CYFIP1: variants seen among roughly 807,000 people sequenced by gnomAD.
CYFIP1 encodes cytoplasmic FMR1 interacting protein 1, also known as cytoplasmic FMR1-interacting protein 1.
Under a neutral mutation model 163.5 loss-of-function variants are expected in CYFIP1, and 58 were observed. The observed-to-expected ratio is 0.35, with a 90% CI of 0.29 to 0.44. The LOEUF is 0.44. Among genes scored for constraint, CYFIP1 ranks in the 20% least tolerant of loss-of-function variants. The probability of loss-of-function intolerance (pLI) is 1.00; values close to 1 mark genes in which losing one functional copy is unlikely to be tolerated. For synonymous variants in CYFIP1, 663 were observed against 660.7 expected, an observed-to-expected ratio of 1.00 and a Z score of -0.05; for missense variants, 1,338 against 1,653.8, an observed-to-expected ratio of 0.81 and a Z score of 3.31.
chr15:22,949,216 G>A (rs1217721713), intron 1 of CYFIP1, among the ~76,000 whole-genome samples: 2 of 152,180 alleles, frequency 1.3e-5, no homozygotes, highest in South Asian at 2.1e-4. Flanking sequence ...TGGGAGGGCC[G>A]CGGATTCCCC....
At chr15:22,936,740 C>T (rs1033577343) in intron 9 of CYFIP1, among the ~76,000 whole-genome samples, 5 of 152,162 alleles carry the variant, frequency 3.3e-5, no homozygotes, top group African/African-American at 4.8e-5. Flanking sequence ...AACATTGGAA[C>T]GGATAAGTTA....
chr15:22,937,893 C>T (rs1014439023), intron 8 of CYFIP1, among the ~76,000 whole-genome samples: 2 of 152,168 alleles, frequency 1.3e-5, no homozygotes, highest in African/African-American at 4.8e-5. Context: ...CATGAGCCAC[C>T]GTGCCCAGTC....
At chr15:22,903,452 C>T (rs62008562) in intron 22 of CYFIP1, among the ~76,000 whole-genome samples, 3 of 152,226 alleles carry the variant, frequency 2.0e-5, no homozygotes, top group Non-Finnish European at 4.4e-5. Flanking sequence ...CTTCCACCAT[C>T]AGGCAAACAG....
chr15:22,897,657 T>C (rs949599995), intron 22 of CYFIP1, among the ~76,000 whole-genome samples: 2 of 152,086 alleles, frequency 1.3e-5, no homozygotes, highest in African/African-American at 2.4e-5. Flanking sequence ...CTAATTTTTG[T>C]ATTTTTAGTA....
At chr15:22,927,880 G>A (rs767599241) in intron 12 of CYFIP1, 26 bp downstream of exon 12, 7 of 1,582,850 alleles carry the variant, frequency 4.4e-6, no homozygotes, top group Non-Finnish European at 6.0e-6. Flanking sequence ...CTTTGGAGCG[G>A]GGCTGGGGTC....
Position 22,914,757 on chromosome 15 carries a change from T to C in CYFIP1, c.1954A>G (p.Ile652Val), listed in dbSNP as rs200232855. ...MSMPWILTDH[I>V]LETKEASMME... ...ATCGATGCCTCCTTGGTCTCCAGGA[T>C]GTGGTCCGTCAGGATCCAGGGCATC... Residue 652 changes from isoleucine to valine, a missense_variant, in exon 17 of 31, where the codon ATC becomes GTC. By Grantham distance (29) the Ile-to-Val change is conservative. Transcript: ENST00000617928. The C allele has an allele frequency of 4.3e-5, 69 of 1,613,624 alleles. No individual in the cohort carries two copies. Among genetic ancestry groups the C allele is most frequent in the Admixed American group, 1.7e-4 (10 of 59,948 alleles).
intron 30 of CYFIP1, among the ~76,000 whole-genome samples, chr15:22,872,470 TATGAGGG>T (rs2059464241): frequency 6.6e-6 from 1 of 152,132 alleles, no homozygotes; most frequent in Admixed American, 6.5e-5. Context: ...AGAATTCAAC[TATGAGGG>T]ATCCATAAAG....
intron 1 of CYFIP1, among the ~76,000 whole-genome samples, chr15:22,951,104 T>C (rs1005066866): frequency 1.3e-5 from 2 of 151,910 alleles, no homozygotes; most frequent in African/African-American, 4.8e-5. Context: ...GTTCCACAGA[T>C]ACATGGAAAC....
chr15:22,879,221 G>A (rs1056072874), intron 26 of CYFIP1, among the ~76,000 whole-genome samples: 3 of 152,132 alleles, frequency 2.0e-5, no homozygotes, highest in Admixed American at 1.3e-4. Context: ...CGCAACGAAC[G>A]AAGAGATGCC....
chr15:22,934,209 CAG>C (rs1180904973), intron 9 of CYFIP1, among the ~76,000 whole-genome samples: 1 of 79,438 alleles, frequency 1.3e-5, no homozygotes, highest in African/African-American at 6.1e-5. Context: ...TTTTTTGAGA[CAG>C]AGTCTCGCTC....
At chr15:22,976,938 G>A (rs774440046) in intron 1 of CYFIP1, among the ~76,000 whole-genome samples, 44 of 152,142 alleles carry the variant, frequency 2.9e-4, no homozygotes, top group Admixed American at 6.5e-4. Context: ...GGTGGCTCAC[G>A]CCTATAATCC....
intron 30 of CYFIP1, 27 bp downstream of exon 30, chr15:22,872,798 G>C (rs751622807): frequency 6.2e-7 from 1 of 1,610,926 alleles, no homozygotes; most frequent in Non-Finnish European, 8.5e-7. Context: ...AAGGTCCATA[G>C]ATGGTGCGAG....
At chr15:22,895,371 G>A (rs1225899753) in intron 22 of CYFIP1, among the ~76,000 whole-genome samples, 2 of 152,066 alleles carry the variant, frequency 1.3e-5, no homozygotes, top group South Asian at 2.1e-4. Context: ...GGCTGGTCTC[G>A]AACTCCTGGG....
In CYFIP1 at chr15:22,869,901, T is replaced by C; in HGVS notation, c.*127A>G. Reference sequence around the variant, plus strand: ...ATAAGTCAATTTTATAAAATTAAGTTTTTAGATCGAAAAGCACCCCCTTTA... The same window carrying C: ...ATAAGTCAATTTTATAAAATTAAGTCTTTAGATCGAAAAGCACCCCCTTTA... On this transcript the variant is annotated 3_prime_UTR_variant, in exon 31 of 31. Coordinates refer to ENST00000617928, the MANE Select transcript of CYFIP1 (RefSeq NM_014608.6). 1 of 829,180 alleles carries C rather than the reference T, an allele frequency of 1.2e-6. No individual in the cohort carries two copies. The highest frequency in any genetic ancestry group is 1.7e-6 in the Non-Finnish European group (1 of 606,030). The allele number at this position is 829,180 out of a possible 1,614,324, so 51.4% of individuals were successfully genotyped here.
intron 16 of CYFIP1, among the ~76,000 whole-genome samples, chr15:22,915,987 A>C (rs1401440091): frequency 6.6e-6 from 1 of 152,134 alleles, no homozygotes; most frequent in African/African-American, 2.4e-5. Context: ...GTTCTGAGCA[A>C]GAGGTGGACA....
chr15:22,896,907 T>C (rs1163735277), intron 22 of CYFIP1, among the ~76,000 whole-genome samples: 1 of 150,932 alleles, frequency 6.6e-6, no homozygotes, highest in Non-Finnish European at 1.5e-5. Context: ...ACTTTGTTAC[T>C]GTCTTTTAAA....
intron 1 of CYFIP1, among the ~76,000 whole-genome samples, chr15:22,979,422 C>T (rs952975339): frequency 2.0e-5 from 3 of 151,172 alleles, no homozygotes; most frequent in Non-Finnish European, 2.9e-5. Context: ...ACCACCGCTC[C>T]CGGCGCAGCC....
At chr15:22,873,807 CTT>C (rs1201424937) in intron 28 of CYFIP1, 78 bp from the exon 29 acceptor site, 45 of 1,269,542 alleles carry the variant, frequency 3.5e-5, no homozygotes, top group African/African-American at 7.4e-5. Context: ...TCTCTTTTCT[CTT>C]GAGACAGGGT....
intron 30 of CYFIP1, among the ~76,000 whole-genome samples, chr15:22,870,652 T>C (rs2059408832): frequency 6.6e-6 from 1 of 152,124 alleles, no homozygotes. Context: ...GAAGGATGAA[T>C]ATATTTTGAA....
Sources: allele counts gnomAD v4.1 joint callset (sites outside exome capture counted in the v4.1 genomes callset), GRCh38; gene constraint gnomAD v4.1.1; transcripts MANE v1.5; gene names NCBI Gene and HGNC (gene_info 2026-07-23, HGNC 2026-07-21).